The following FAM91A1 variants were observed in gnomAD, a reference collection of about 807,000 sequenced individuals.
FAM91A1 encodes family with sequence similarity 91 member A1.
In FAM91A1, 41 loss-of-function variants were observed where a neutral mutation model predicts 113.5. That is an observed-to-expected ratio of 0.36 (90% CI 0.28 to 0.47). The LOEUF is 0.47. Ranked by LOEUF, FAM91A1 falls within the 20% of genes least tolerant of loss-of-function variation. FAM91A1 has a pLI of 1.00. For missense variants in FAM91A1, 696 were observed against 1,001.2 expected, an observed-to-expected ratio of 0.70 and a Z score of 4.11; for synonymous variants, 307 against 347.9, an observed-to-expected ratio of 0.88 and a Z score of 1.31.
chr8:123,812,600 G>T lies in FAM91A1; in HGVS notation c.2413G>T (p.Val805Phe). The T allele has an allele frequency of 6.2e-7, 1 of 1,611,794 alleles. No homozygotes were observed. The highest frequency in any genetic ancestry group is 8.5e-7 in the Non-Finnish European group (1 of 1,178,928). Reference sequence around the variant, plus strand: ...ACAGTCATCGTGTGCTGACATGGGTGTTCCACTTCCTGCAAAAAACTTAAT... The same window carrying T: ...ACAGTCATCGTGTGCTGACATGGGTTTTCCACTTCCTGCAAAAAACTTAAT... ...LSQSSCADMGVPLPAKNLIFK... is the reference protein window; with the variant it reads ...LSQSSCADMGFPLPAKNLIFK... The change falls in exon 24 of 24, where the codon GTT becomes TTT. Residue 805 changes from valine (V) to phenylalanine (F), a missense_variant. Transcript: ENST00000334705.
At position 123,787,728 on chromosome 8, in the gene FAM91A1, G is replaced by C; in HGVS notation, c.1256G>C (p.Ser419Thr). 6.2e-7 allele frequency: 1 copy of C among 1,612,186 alleles called. No homozygotes were observed. The highest frequency in any genetic ancestry group is 1.1e-5 in the South Asian group (1 of 90,796). The change falls in exon 14 of 24, where the codon AGC (serine) becomes ACC (threonine). Residue 419 changes from serine (S) to threonine (T), a missense_variant. Physicochemically the swap from Ser to Thr is moderately conservative, Grantham distance 58. Coordinates refer to ENST00000334705, the MANE Select transcript of FAM91A1 (RefSeq NM_144963.4). ...VGKLSDESLD[S>T]FLIELEKVQS... is the part of the protein sequence containing the mutation. Reference sequence around the variant, plus strand: ...AAACTCTCAGATGAGTCTCTGGACAGCTTTCTTATAGAACTAGAAAAGGTA... The same window carrying C: ...AAACTCTCAGATGAGTCTCTGGACACCTTTCTTATAGAACTAGAAAAGGTA...
In FAM91A1 at chr8:123,815,232, G is replaced by C. The variant is rs1338463392; in HGVS notation, c.*2528G>C. ...TGGTTTCTTTTACTTGTTGTTTTCAGTTTTCTCTGCCATTCATGTTTCTTT... is the reference window on the plus strand; with the variant it reads ...TGGTTTCTTTTACTTGTTGTTTTCACTTTTCTCTGCCATTCATGTTTCTTT... On this transcript the variant is annotated 3_prime_UTR_variant, in exon 24 of 24. Transcript: ENST00000334705. 6.6e-6 allele frequency: 1 copy of C among 152,006 alleles called. No homozygotes were observed. The allele number at this position is 152,006 out of a possible 1,614,324, so 9.4% of individuals were successfully genotyped here.
chr8:123,806,339 C>T (rs1815811845), intron 20 of FAM91A1, 110 bp downstream of exon 20: 15 of 1,129,380 alleles, frequency 1.3e-5, no homozygotes, highest in Admixed American at 7.6e-5. Flanking sequence ...TTATTGAATA[C>T]TCAATATTCT....
intron 18 of FAM91A1, among the ~76,000 whole-genome samples, chr8:123,803,956 A>G (rs1815744916): frequency 6.6e-6 from 1 of 152,208 alleles, no homozygotes; most frequent in Admixed American, 6.5e-5. Flanking sequence ...ATGTAGACAT[A>G]ATGTTAAGTT....
At chr8:123,782,549 T>G (rs953963228) in intron 8 of FAM91A1, among the ~76,000 whole-genome samples, 1 of 152,214 alleles carries the variant, frequency 6.6e-6, no homozygotes, top group Non-Finnish European at 1.5e-5. Flanking sequence ...TTTCTAACTG[T>G]ATTTTGTGTG....
chr8:123,799,991 A>G, intron 18 of FAM91A1, 106 bp downstream of exon 18: 1 of 961,884 alleles, frequency 1.0e-6, no homozygotes, highest in Non-Finnish European at 1.5e-6. Flanking sequence ...GAAATTTATG[A>G]AGTTGAAATG....
chr8:123,793,260 A>G (rs1051246913), intron 15 of FAM91A1, among the ~76,000 whole-genome samples: 3 of 152,038 alleles, frequency 2.0e-5, no homozygotes, highest in Non-Finnish European at 2.9e-5. Flanking sequence ...CTGATAAGCA[A>G]TTGGTGGGGA....
At chr8:123,791,107 T>C (rs1461851043) in intron 15 of FAM91A1, among the ~76,000 whole-genome samples, 1 of 152,224 alleles carries the variant, frequency 6.6e-6, no homozygotes, top group African/African-American at 2.4e-5. Flanking sequence ...CATTGTCCTT[T>C]CCTGCCTATC....
intron 5 of FAM91A1, 90 bp from the exon 6 acceptor site, chr8:123,778,569 G>A: frequency 1.2e-6 from 1 of 821,950 alleles, no homozygotes; most frequent in Non-Finnish European, 2.0e-6. Flanking sequence ...TATTTATTTA[G>A]TCCATTAGAA....
At chr8:123,773,399 G>A (rs1300631054) in intron 1 of FAM91A1, among the ~76,000 whole-genome samples, 1 of 152,116 alleles carries the variant, frequency 6.6e-6, no homozygotes, top group African/African-American at 2.4e-5. Context: ...TTAAGTTTAT[G>A]GTCTCCCAGT....
At chr8:123,802,841 C>G (rs529817432) in intron 18 of FAM91A1, among the ~76,000 whole-genome samples, 1 of 152,166 alleles carries the variant, frequency 6.6e-6, no homozygotes, top group Non-Finnish European at 1.5e-5. Context: ...GTGTCTTTAC[C>G]TATAAACTGG....
chr8:123,776,761 G>A (rs561820881), intron 3 of FAM91A1, among the ~76,000 whole-genome samples: 1 of 152,202 alleles, frequency 6.6e-6, no homozygotes, highest in Non-Finnish European at 1.5e-5. Flanking sequence ...CAGTGGGTTT[G>A]TTATTGGAGA....
intron 23 of FAM91A1, chr8:123,810,704 C>T: frequency 3.5e-6 from 1 of 288,874 alleles, no homozygotes; most frequent in Non-Finnish European, 6.4e-6. Context: ...TCTGTTGTGG[C>T]AGCGAAGGCC....
chr8:123,787,467 A>C, intron 13 of FAM91A1, 94 bp downstream of exon 13: 1 of 1,105,010 alleles, frequency 9.0e-7, no homozygotes, highest in Non-Finnish European at 1.3e-6. Flanking sequence ...AAAGTACTAC[A>C]TTTATTCCCG....
At chr8:123,771,147 CTG>C (rs763115269) in intron 1 of FAM91A1, among the ~76,000 whole-genome samples, 1 of 152,248 alleles carries the variant, frequency 6.6e-6, no homozygotes, top group African/African-American at 2.4e-5. Context: ...CCACCTAAAT[CTG>C]TGGTGGTTGC....
At chr8:123,787,776 A>G (rs201277227) in intron 14 of FAM91A1, 26 bp downstream of exon 14, 5 of 1,557,572 alleles carry the variant, frequency 3.2e-6, no homozygotes, top group Middle Eastern at 3.4e-4. Context: ...ATGTAAGGGG[A>G]TGTTAGGGCA....
intron 18 of FAM91A1, among the ~76,000 whole-genome samples, chr8:123,800,118 C>CGTGACCAT (rs914688284): frequency 6.6e-6 from 1 of 151,940 alleles, no homozygotes; most frequent in African/African-American, 2.4e-5. Flanking sequence ...CTGCTTGCTG[C>CGTGACCAT]GTGACCATGA....
At chr8:123,791,950 G>A (rs7827665) in intron 15 of FAM91A1, among the ~76,000 whole-genome samples, 58,652 of 152,020 alleles carry the variant, frequency 0.39, 15,277 homozygotes, top group African/African-American at 0.74. Context: ...CGAGGCAGGC[G>A]GTTCACTTGA....
intron 7 of FAM91A1, 32 bp from the exon 8 acceptor site, chr8:123,780,448 C>A: frequency 2.0e-6 from 3 of 1,522,392 alleles, no homozygotes; most frequent in South Asian, 2.3e-5. Context: ...GTGTAGTGTT[C>A]CATCTAAAAC....
Sources: allele counts gnomAD v4.1 joint callset (sites outside exome capture counted in the v4.1 genomes callset), GRCh38; gene constraint gnomAD v4.1.1; transcripts MANE v1.5; gene names NCBI Gene and HGNC (gene_info 2026-07-23, HGNC 2026-07-21).